NDE1: variants seen among roughly 807,000 people sequenced by gnomAD.
The protein encoded by NDE1 is nuclear distribution protein nudE homolog 1.
Under a neutral mutation model 43.4 loss-of-function variants are expected in NDE1, and 28 were observed. The observed-to-expected ratio is 0.65, with a 90% CI of 0.48 to 0.89. The LOEUF (loss-of-function observed/expected upper bound fraction) is 0.89. NDE1 is among the 40% of genes least tolerant of loss of function. The pLI, the probability that NDE1 is intolerant of heterozygous loss-of-function variation, is 0.00. For synonymous variants in NDE1, 184 were observed against 172.0 expected (o/e 1.07, Z -0.55); for missense variants, 441 against 434.1 (o/e 1.02, Z -0.14).
At chr16:15,700,143 C>T in intron 8 of NDE1, 1 of 1,058,936 alleles carries the variant, frequency 9.4e-7, no homozygotes, top group Non-Finnish European at 1.1e-6. Flanking sequence ...GTCACCCAGG[C>T]TGGAGTGTGG....
rs1297275933 is a variant in NDE1 at position 15,724,871 on chromosome 16, T to A, written c.*620T>A. The A allele has an allele frequency of 6.8e-6, 11 of 1,613,746 alleles. No homozygotes were observed. The highest frequency in any genetic ancestry group is 2.2e-5 in the East Asian group (1 of 44,858). On this transcript the variant is annotated 3_prime_UTR_variant, in exon 9 of 9. Transcript: ENST00000396354. ...GCCACCCCCCAGGTCCCCTGGATGA[T>A]GTGGCAGGACACTCACCTGGGTGTC...
intron 3 of NDE1, among the ~76,000 whole-genome samples, chr16:15,669,360 ATTTTT>A (rs1187758200): frequency 8.0e-6 from 1 of 125,554 alleles, no homozygotes; most frequent in Non-Finnish European, 1.7e-5. Flanking sequence ...CGCCTGGCTA[ATTTTT>A]TTTTTTTTTT....
rs1218227868 is a variant in NDE1, at chr16:15,664,874, T to G, written c.83+13T>G. On this transcript the variant is annotated intron_variant, in intron 2 of 8. Transcript: ENST00000396354. Reference sequence around the variant, plus strand: ...CCTACAAACAGAGGTCAGTCCGAGTTCACCTGCTTTTCCTTTTTTTTTTTT... The same window carrying G: ...CCTACAAACAGAGGTCAGTCCGAGTGCACCTGCTTTTCCTTTTTTTTTTTT... The G allele has an allele frequency of 6.3e-7, 1 of 1,587,576 alleles. No homozygotes were observed. Among genetic ancestry groups the G allele is most frequent in the African/African-American group, 1.4e-5 (1 of 73,600 alleles).
At chr16:15,708,617 C>G (rs1223799116) in intron 8 of NDE1, among the ~76,000 whole-genome samples, 1 of 152,180 alleles carries the variant, frequency 6.6e-6, no homozygotes, top group Non-Finnish European at 1.5e-5. Context: ...GAGATGAGGT[C>G]TATTTGTCAT....
chr16:15,690,830 G>A (rs772457853), intron 5 of NDE1, among the ~76,000 whole-genome samples: 3 of 151,954 alleles, frequency 2.0e-5, no homozygotes, highest in Non-Finnish European at 2.9e-5. Context: ...TTTTTGAGAC[G>A]TAGTCTTGCT....
chr16:15,683,015 AT>A (rs771128840), intron 4 of NDE1, among the ~76,000 whole-genome samples: 223 of 143,204 alleles, frequency 1.6e-3, no homozygotes, highest in Middle Eastern at 7.2e-3. Flanking sequence ...CAACTTACAC[AT>A]TTTTTTTTTT....
At chr16:15,699,565 A>C in intron 8 of NDE1, 1 of 1,187,520 alleles carries the variant, frequency 8.4e-7, no homozygotes, top group South Asian at 1.6e-5. Flanking sequence ...TCTGAGAGCC[A>C]GGTAGCCAGT....
intron 4 of NDE1, chr16:15,684,335 A>G (rs966156630): frequency 1.3e-5 from 2 of 151,620 alleles, no homozygotes; most frequent in African/African-American, 2.4e-5. Flanking sequence ...TCCAACACCT[A>G]CAATCCCAGC....
intron 8 of NDE1, among the ~76,000 whole-genome samples, chr16:15,709,386 C>T (rs952630857): frequency 6.6e-6 from 1 of 152,044 alleles, no homozygotes; most frequent in Non-Finnish European, 1.5e-5. Context: ...TCTATCTCTG[C>T]TCACTGCAAC....
At chr16:15,670,562 C>A (rs1003676284) in intron 3 of NDE1, among the ~76,000 whole-genome samples, 1 of 151,210 alleles carries the variant, frequency 6.6e-6, no homozygotes, top group African/African-American at 2.4e-5. Context: ...GAGGCTGAGG[C>A]AGGAGAATCA....
At chr16:15,694,068 G>C in intron 6 of NDE1, 97 bp from the exon 7 acceptor site, 1 of 1,393,866 alleles carries the variant, frequency 7.2e-7, no homozygotes, top group Non-Finnish European at 1.0e-6. Flanking sequence ...AAAGGCGTCA[G>C]TGTCCCTCCT....
intron 4 of NDE1, among the ~76,000 whole-genome samples, chr16:15,682,296 G>A (rs1452684104): frequency 6.6e-6 from 1 of 152,118 alleles, no homozygotes; most frequent in Non-Finnish European, 1.5e-5. Flanking sequence ...ACAGTCATGT[G>A]CCACCATGAC....
At chr16:15,678,892 T>C (rs1227733078) in intron 4 of NDE1, among the ~76,000 whole-genome samples, 1 of 151,778 alleles carries the variant, frequency 6.6e-6, no homozygotes, top group Admixed American at 6.6e-5. Context: ...CTGGCTAACA[T>C]GGTGAAAACC....
chr16:15,708,656 C>T, intron 8 of NDE1: 1 of 845,368 alleles, frequency 1.2e-6, no homozygotes, highest in Non-Finnish European at 2.0e-6. Flanking sequence ...GAAAGCTTTG[C>T]ACAAAGATAT....
intron 1 of NDE1, among the ~76,000 whole-genome samples, chr16:15,654,045 G>C (rs547304202): frequency 7.2e-5 from 11 of 152,142 alleles, no homozygotes; most frequent in African/African-American, 2.6e-4. Context: ...ACAAATTTTT[G>C]AAGGAGGCAT....
intron 8 of NDE1, chr16:15,703,856 T>A (rs1422388785): frequency 8.0e-7 from 1 of 1,251,880 alleles, no homozygotes; most frequent in South Asian, 1.2e-5. Flanking sequence ...ATATTTGGAA[T>A]TTGAGAATGG....
chr16:15,694,656 A>G (rs2038925126), intron 7 of NDE1: 1 of 985,276 alleles, frequency 1.0e-6, no homozygotes. Flanking sequence ...CCCCTTTCAT[A>G]GCAGTGTGGT....
intron 1 of NDE1, among the ~76,000 whole-genome samples, chr16:15,658,949 G>A (rs183357339): frequency 1.3e-5 from 2 of 152,284 alleles, no homozygotes; most frequent in East Asian, 1.9e-4. Context: ...GAGCCACCAC[G>A]TCTGGCCAGC....
chr16:15,670,106 C>G (rs1171023617), intron 3 of NDE1, among the ~76,000 whole-genome samples: 1 of 152,162 alleles, frequency 6.6e-6, no homozygotes, highest in Non-Finnish European at 1.5e-5. Context: ...CCGCCTTGCT[C>G]TGAGATTCCA....
Sources: gnomAD v4.1 joint callset for allele counts (sites outside exome capture counted in the v4.1 genomes callset) on GRCh38, gnomAD v4.1.1 for gene constraint, MANE v1.5 for transcripts, NCBI Gene and HGNC (gene_info 2026-07-23, HGNC 2026-07-21) for gene names.